AGTPBP1: variants seen among roughly 807,000 people sequenced by gnomAD.
The protein encoded by AGTPBP1 is cytosolic carboxypeptidase 1.
Under a neutral mutation model 143.9 loss-of-function variants are expected in AGTPBP1, and 70 were observed. The ratio of observed to expected loss-of-function variants is 0.49; its 90% confidence interval spans 0.40 to 0.59. The LOEUF (loss-of-function observed/expected upper bound fraction) is 0.59. Among genes scored for constraint, AGTPBP1 ranks in the 20% least tolerant of loss-of-function variants. AGTPBP1 has a pLI of 0.00. For synonymous variants in AGTPBP1, 463 were observed against 500.2 expected (o/e 0.93, Z 0.99); for missense variants, 1,229 against 1,464.5 (o/e 0.84, Z 2.62).
intron 17 of AGTPBP1, among the ~76,000 whole-genome samples, chr9:85,608,505 A>G (rs1587728616): frequency 6.6e-6 from 1 of 152,054 alleles, no homozygotes; most frequent in Non-Finnish European, 1.5e-5. Flanking sequence ...GATGAAAAAT[A>G]TATCTTCTTA....
At chr9:85,718,795 G>A (rs1837897532) in intron 1 of AGTPBP1, among the ~76,000 whole-genome samples, 1 of 152,144 alleles carries the variant, frequency 6.6e-6, no homozygotes, top group African/African-American at 2.4e-5. Flanking sequence ...GGTTTTTATG[G>A]TTTTAGGTCT....
At chr9:85,747,602 C>T in the AGTPBP1 span, among the ~76,000 whole-genome samples, 2 of 152,138 alleles carry the variant, frequency 1.3e-5, no homozygotes, top group African/African-American at 4.8e-5. Context: ...TTTACTTAAA[C>T]TTGTTCCTAG....
chr9:85,688,417 T>C (rs1000598153), intron 3 of AGTPBP1, among the ~76,000 whole-genome samples: 4 of 151,750 alleles, frequency 2.6e-5, no homozygotes, highest in East Asian at 1.9e-4. Flanking sequence ...TAAAAAAAAA[T>C]TTACAACTAA....
intron 1 of AGTPBP1, among the ~76,000 whole-genome samples, chr9:85,733,901 A>G (rs975639745): frequency 1.3e-5 from 2 of 152,200 alleles, no homozygotes; most frequent in African/African-American, 4.8e-5. Flanking sequence ...CTGAACCACA[A>G]AGGAATAGAA....
intron 14 of AGTPBP1, among the ~76,000 whole-genome samples, chr9:85,625,960 CA>C (rs1442901036): frequency 8.6e-6 from 1 of 115,778 alleles, no homozygotes; most frequent in Non-Finnish European, 1.8e-5. Flanking sequence ...GAAAATAAAT[CA>C]AAATGTTAAT....
At chr9:85,780,951 C>T in the AGTPBP1 span, among the ~76,000 whole-genome samples, 2 of 152,056 alleles carry the variant, frequency 1.3e-5, no homozygotes, top group Non-Finnish European at 2.9e-5. Flanking sequence ...CTCGTCTCTA[C>T]TAAAAATACA....
At chr9:85,780,143 T>C in the AGTPBP1 span, among the ~76,000 whole-genome samples, 4 of 151,992 alleles carry the variant, frequency 2.6e-5, no homozygotes, top group East Asian at 7.7e-4. Flanking sequence ...ATTTTATAAA[T>C]ATGCCAGTAG....
At chr9:85,642,106 A>G (rs1832513993) in intron 13 of AGTPBP1, among the ~76,000 whole-genome samples, 1 of 152,314 alleles carries the variant, frequency 6.6e-6, no homozygotes, top group Admixed American at 6.5e-5. Flanking sequence ...TTTGGGGAAC[A>G]AAGGAAGGGC....
chr9:85,741,916 G>A lies in AGTPBP1; in HGVS notation c.-175C>T, dbSNP rs990043025. The A allele has an allele frequency of 6.1e-6, 8 of 1,321,460 alleles. No homozygotes were observed. Among genetic ancestry groups the A allele is most frequent in the African/African-American group, 1.5e-5 (1 of 64,808 alleles). 81.9% of individuals were successfully genotyped at this position (1,321,460 alleles called of 1,614,324 possible). ...GGCAGGCGAGGCGGAGGCGGCGGCG[G>A]CGGCAGCTGCGGCGGCGGCGCTGGA... On this transcript the variant is annotated 5_prime_UTR_variant, in exon 1 of 26. Coordinates refer to ENST00000357081, the MANE Select transcript of AGTPBP1 (RefSeq NM_001330701.2).
chr9:85,631,966 T>C (rs1029030641), intron 14 of AGTPBP1, among the ~76,000 whole-genome samples: 1 of 152,234 alleles, frequency 6.6e-6, no homozygotes, highest in Non-Finnish European at 1.5e-5. Context: ...CCTGTACTTT[T>C]ATCTATTTCC....
chr9:85,661,025 C>G (rs1422009549), intron 8 of AGTPBP1, 52 bp from the exon 9 acceptor site: 1 of 1,418,772 alleles, frequency 7.0e-7, no homozygotes. Flanking sequence ...TAAAATTAAT[C>G]TACAATAGTA....
At chr9:85,674,122 TA>T (rs35435972) in intron 6 of AGTPBP1, among the ~76,000 whole-genome samples, 267 of 117,528 alleles carry the variant, frequency 2.3e-3, no homozygotes, top group Middle Eastern at 4.7e-3. Context: ...GACTCCATCT[TA>T]AAAAAAAAAA....
chr9:85,766,995 G>A, the AGTPBP1 span, among the ~76,000 whole-genome samples: 14 of 147,366 alleles, frequency 9.5e-5, no homozygotes, highest in South Asian at 4.3e-4. Context: ...ATTTACTACA[G>A]ACAGGTCACA....
At chr9:85,617,632 G>A (rs1830668613) in intron 17 of AGTPBP1, among the ~76,000 whole-genome samples, 2 of 151,510 alleles carry the variant, frequency 1.3e-5, no homozygotes, top group African/African-American at 2.4e-5. Flanking sequence ...TTTTTAAAAC[G>A]GTCTCATGAG....
At chr9:85,657,222 A>G in intron 10 of AGTPBP1, among the ~76,000 whole-genome samples, 1 of 151,842 alleles carries the variant, frequency 6.6e-6, no homozygotes, top group East Asian at 1.9e-4. Flanking sequence ...AAGAAAGAAA[A>G]TTTCACATTG....
At chr9:85,667,023 A>C (rs72746610) in intron 8 of AGTPBP1, among the ~76,000 whole-genome samples, 14,859 of 152,102 alleles carry the variant, frequency 0.098, 811 homozygotes, top group Middle Eastern at 0.13. Flanking sequence ...GGGCATAATA[A>C]ATTAAGTAAC....
intron 1 of AGTPBP1, among the ~76,000 whole-genome samples, chr9:85,717,498 T>C (rs1244324366): frequency 6.6e-6 from 1 of 152,098 alleles, no homozygotes; most frequent in Non-Finnish European, 1.5e-5. Context: ...CAAGACGCTG[T>C]CTCAAAAAAT....
At chr9:85,802,167 A>C in the AGTPBP1 span, among the ~76,000 whole-genome samples, 1 of 152,130 alleles carries the variant, frequency 6.6e-6, no homozygotes, top group East Asian at 1.9e-4. Context: ...TTATCGTTCC[A>C]AGGTCATTGC....
the AGTPBP1 span, among the ~76,000 whole-genome samples, chr9:85,758,150 T>C: frequency 6.6e-6 from 1 of 152,098 alleles, no homozygotes; most frequent in African/African-American, 2.4e-5. Flanking sequence ...GACTCTGAAA[T>C]ATGATGGACA....
Sources: gnomAD v4.1 joint callset for allele counts (sites outside exome capture counted in the v4.1 genomes callset) on GRCh38, gnomAD v4.1.1 for gene constraint, MANE v1.5 for transcripts, NCBI Gene and HGNC (gene_info 2026-07-23, HGNC 2026-07-21) for gene names.